The following TMCO5A variants were observed in gnomAD, a reference collection of about 807,000 sequenced individuals.
TMCO5A encodes the protein transmembrane and coiled-coil domain-containing protein 5A.
A neutral mutation model predicts 42.3 loss-of-function variants in TMCO5A; 34 were observed. That is an observed-to-expected ratio of 0.80 (90% confidence interval 0.61 to 1.07). The LOEUF (loss-of-function observed/expected upper bound fraction) is 1.07. Ranked by LOEUF, TMCO5A falls within the 50% of genes least tolerant of loss-of-function variation. The pLI, the probability that TMCO5A is intolerant of heterozygous loss-of-function variation, is 0.00. For missense variants in TMCO5A, 357 were observed against 327.9 expected (o/e 1.09, Z -0.69); for synonymous variants, 131 against 115.6 (o/e 1.13, Z -0.86).
intron 2 of TMCO5A, 77 bp from the exon 3 acceptor site, chr15:37,936,237 T>C: frequency 6.6e-7 from 1 of 1,516,842 alleles, no homozygotes; most frequent in Non-Finnish European, 8.8e-7. Flanking sequence ...AGATGTGTTC[T>C]AAATACCCTT....
the TMCO5A span, among the ~76,000 whole-genome samples, chr15:38,003,962 A>G: frequency 1.7e-4 from 26 of 152,120 alleles, no homozygotes; most frequent in African/African-American, 4.8e-4. Flanking sequence ...TTCTTTCCTT[A>G]AGCAAAAGGA....
the TMCO5A span, among the ~76,000 whole-genome samples, chr15:38,028,913 T>G: frequency 6.6e-6 from 1 of 151,992 alleles, no homozygotes; most frequent in African/African-American, 2.4e-5. Context: ...ATGACCTCAT[T>G]GAAACAAACA....
At chr15:37,944,607 T>C (rs1369522814) in intron 10 of TMCO5A, among the ~76,000 whole-genome samples, 1 of 152,052 alleles carries the variant, frequency 6.6e-6, no homozygotes, top group Non-Finnish European at 1.5e-5. Flanking sequence ...AGCTCTAATT[T>C]TTTTTAGTAG....
At chr15:37,983,029 G>GCT in the TMCO5A span, among the ~76,000 whole-genome samples, 1 of 151,698 alleles carries the variant, frequency 6.6e-6, no homozygotes, top group African/African-American at 2.4e-5. Flanking sequence ...GAACCATTCA[G>GCT]CTCTCTCTCT....
chr15:38,000,477 C>T, the TMCO5A span, among the ~76,000 whole-genome samples: 1 of 151,664 alleles, frequency 6.6e-6, no homozygotes, highest in African/African-American at 2.4e-5. Context: ...CTTTTCATTT[C>T]ATTGATCTTT....
chr15:37,938,094 C>A, intron 5 of TMCO5A, 64 bp from the exon 6 acceptor site: 1 of 1,366,336 alleles, frequency 7.3e-7, no homozygotes, highest in Non-Finnish European at 1.0e-6. Flanking sequence ...AATCTCCACA[C>A]ACCAGAGAAA....
chr15:37,974,010 T>C, the TMCO5A span, among the ~76,000 whole-genome samples: 1 of 152,236 alleles, frequency 6.6e-6, no homozygotes. Context: ...TCTGCATCTA[T>C]TGAAATGATC....
chr15:37,952,501 T>A (rs866559920), downstream of TMCO5A, among the ~76,000 whole-genome samples: 15 of 152,242 alleles, frequency 9.9e-5, no homozygotes, highest in African/African-American at 3.6e-4. Context: ...TGAAGAGGAC[T>A]CAGTCCTGGA....
At chr15:38,012,726 C>A in the TMCO5A span, among the ~76,000 whole-genome samples, 1 of 152,098 alleles carries the variant, frequency 6.6e-6, no homozygotes, top group Non-Finnish European at 1.5e-5. Flanking sequence ...AAGTGATGTT[C>A]ATGTGTGAGC....
At chr15:37,954,975 A>T (rs1890249983), downstream of TMCO5A, among the ~76,000 whole-genome samples, 1 of 152,044 alleles carries the variant, frequency 6.6e-6, no homozygotes, top group Admixed American at 6.6e-5. Context: ...AGAAAAACTA[A>T]ATTATATCAC....
the TMCO5A span, among the ~76,000 whole-genome samples, chr15:38,036,546 G>C: frequency 3.3e-5 from 5 of 150,362 alleles, no homozygotes; most frequent in Admixed American, 3.3e-4. Context: ...CTACACTTCA[G>C]TCACACCCAA....
chr15:38,022,599 C>G, the TMCO5A span, among the ~76,000 whole-genome samples: 1 of 152,036 alleles, frequency 6.6e-6, no homozygotes, highest in East Asian at 1.9e-4. Flanking sequence ...TTTGTCCAGA[C>G]CCACAGAATG....
At chr15:37,935,574 T>A (rs1259015439) in intron 2 of TMCO5A, among the ~76,000 whole-genome samples, 2 of 152,146 alleles carry the variant, frequency 1.3e-5, no homozygotes, top group Admixed American at 1.3e-4. Flanking sequence ...CTAATAGTGG[T>A]TAATCAACTG....
chr15:37,942,216 TAGA>T lies in TMCO5A; in HGVS notation c.538_540del (p.Glu180del), dbSNP rs367660653. ...AAGTACCAGGAAACGTTGAAGAAAATAGAAGAAGAACTAGAGGCTCTGTTCCTT... is the reference window on the plus strand; with the variant it reads ...AAGTACCAGGAAACGTTGAAGAAAATAGAAGAACTAGAGGCTCTGTTCCTT... On this transcript the variant is annotated inframe_deletion, in exon 9 of 12. Coordinates refer to ENST00000319669, the MANE Select transcript of TMCO5A (RefSeq NM_152453.4). 206 of 1,612,888 alleles carry T rather than the reference TAGA, an allele frequency of 1.3e-4. 2 individuals carry two copies. Among genetic ancestry groups the T allele is most frequent in the South Asian group, 1.2e-3 (106 of 91,008 alleles).
chr15:38,014,164 C>T, the TMCO5A span, among the ~76,000 whole-genome samples: 1 of 152,008 alleles, frequency 6.6e-6, no homozygotes, highest in East Asian at 1.9e-4. Flanking sequence ...ATTTTTTTGC[C>T]ATGTAAGGTA....
At chr15:37,939,497 T>C (rs934201026) in intron 6 of TMCO5A, among the ~76,000 whole-genome samples, 12 of 152,198 alleles carry the variant, frequency 7.9e-5, no homozygotes, top group South Asian at 2.1e-4. Context: ...ATCACCTCTT[T>C]TTCCCAGAAA....
chr15:37,956,320 A>C (rs776095002), downstream of TMCO5A, among the ~76,000 whole-genome samples: 49 of 152,196 alleles, frequency 3.2e-4, no homozygotes, highest in Non-Finnish European at 5.0e-4. Flanking sequence ...GGTTTTTTGA[A>C]ACGATCAACA....
chr15:37,942,996 G>A (rs566752252), intron 9 of TMCO5A: 1 of 194,700 alleles, frequency 5.1e-6, no homozygotes, highest in Admixed American at 5.4e-5. Flanking sequence ...AGGACTTGTA[G>A]GTCCTTGCCC....
At chr15:37,984,884 T>C in the TMCO5A span, 1 of 151,850 alleles carries the variant, frequency 6.6e-6, no homozygotes, top group Non-Finnish European at 1.5e-5. Flanking sequence ...GGTATTTTGT[T>C]ATAGCAGGAG....
Sources: gnomAD v4.1 joint callset for allele counts (sites outside exome capture counted in the v4.1 genomes callset) on GRCh38, gnomAD v4.1.1 for gene constraint, MANE v1.5 for transcripts, NCBI Gene and HGNC (gene_info 2026-07-23, HGNC 2026-07-21) for gene names.